LIN7A: variants seen among roughly 807,000 people sequenced by gnomAD.
LIN7A encodes the protein lin-7 cell polarity scaffold A.
Under a neutral mutation model 29.8 loss-of-function variants are expected in LIN7A, and 25 were observed. That is an observed-to-expected ratio of 0.84 (90% CI 0.61 to 1.17). LIN7A has a LOEUF of 1.17. LIN7A is among the 50% of genes most tolerant of loss of function. The pLI is 0.00. For synonymous variants in LIN7A, 118 were observed against 107.5 expected, an observed-to-expected ratio of 1.10 and a Z score of -0.60; for missense variants, 239 against 287.0, an observed-to-expected ratio of 0.83 and a Z score of 1.21.
intron 2 of LIN7A, among the ~76,000 whole-genome samples, chr12:80,886,347 C>T (rs1232899034): frequency 3.9e-5 from 6 of 151,952 alleles, no homozygotes; most frequent in African/African-American, 1.4e-4. Flanking sequence ...GTTTCACCTG[C>T]CTGGCAACAT....
chr12:80,911,937 A>G (rs1222784039), intron 1 of LIN7A, among the ~76,000 whole-genome samples: 1 of 152,216 alleles, frequency 6.6e-6, no homozygotes, highest in Non-Finnish European at 1.5e-5. Flanking sequence ...CTTTAATAAT[A>G]CATACGTTGA....
At chr12:80,926,475 G>GTAT (rs1877587404) in intron 1 of LIN7A, among the ~76,000 whole-genome samples, 2 of 152,058 alleles carry the variant, frequency 1.3e-5, no homozygotes, top group African/African-American at 4.8e-5. Flanking sequence ...ATGAAAGGTT[G>GTAT]TATTACCTTA....
chr12:80,877,121 C>CAAAAAAAAAAAAAAAAAAAAAA (rs55779514), intron 2 of LIN7A, among the ~76,000 whole-genome samples: 1 of 106,528 alleles, frequency 9.4e-6, no homozygotes. Flanking sequence ...GACTCTGTCT[C>CAAAAAAAAAAAAAAAAAAAAAA]AAAAAAAAAA....
intron 1 of LIN7A, among the ~76,000 whole-genome samples, chr12:80,897,679 C>T (rs796597512): frequency 4.6e-5 from 7 of 152,064 alleles, no homozygotes; most frequent in African/African-American, 1.7e-4. Context: ...GTGGTGGGCG[C>T]TTGTAATCCC....
intron 2 of LIN7A, among the ~76,000 whole-genome samples, chr12:80,857,897 A>G (rs1023343504): frequency 6.6e-6 from 1 of 152,112 alleles, no homozygotes; most frequent in Admixed American, 6.6e-5. Flanking sequence ...CGTCTCCAGC[A>G]CTCTACCTCT....
intron 1 of LIN7A, among the ~76,000 whole-genome samples, chr12:80,891,520 A>G (rs1875625454): frequency 1.3e-5 from 2 of 152,156 alleles, no homozygotes; most frequent in Non-Finnish European, 1.5e-5. Context: ...CTGAAATGCA[A>G]TTCATTCATT....
At chr12:80,812,306 TAAAAAC>T (rs1303045376) in intron 4 of LIN7A, among the ~76,000 whole-genome samples, 1 of 151,870 alleles carries the variant, frequency 6.6e-6, no homozygotes, top group Non-Finnish European at 1.5e-5. Context: ...AAATGTAACA[TAAAAAC>T]ATAAAGTAAC....
chr12:80,911,842 A>G (rs1592944483), intron 1 of LIN7A, among the ~76,000 whole-genome samples: 1 of 152,200 alleles, frequency 6.6e-6, no homozygotes, highest in South Asian at 2.1e-4. Flanking sequence ...TCATACATAA[A>G]CAAGTTTATT....
chr12:80,884,221 C>T (rs1422357053), intron 2 of LIN7A, among the ~76,000 whole-genome samples: 1 of 152,102 alleles, frequency 6.6e-6, no homozygotes, highest in Non-Finnish European at 1.5e-5. Flanking sequence ...AGTTTTAAAA[C>T]ATTTTGTTTT....
At chr12:80,831,643 T>C (rs578135817) in intron 4 of LIN7A, among the ~76,000 whole-genome samples, 3 of 152,264 alleles carry the variant, frequency 2.0e-5, no homozygotes, top group South Asian at 2.1e-4. Context: ...TTTGAAGCAA[T>C]TACAAATCCT....
At chr12:80,804,754 A>G (rs1870896007) in intron 5 of LIN7A, among the ~76,000 whole-genome samples, 1 of 150,896 alleles carries the variant, frequency 6.6e-6, no homozygotes, top group East Asian at 2.0e-4. Flanking sequence ...GGGTTTTGCC[A>G]TGTTGGCCAG....
At chr12:80,820,960 G>C (rs953434834) in intron 4 of LIN7A, among the ~76,000 whole-genome samples, 1 of 152,188 alleles carries the variant, frequency 6.6e-6, no homozygotes, top group African/African-American at 2.4e-5. Context: ...GTGACCGCCA[G>C]TTCTCATTGT....
chr12:80,859,359 G>A (rs1393989358), intron 2 of LIN7A, among the ~76,000 whole-genome samples: 1 of 152,266 alleles, frequency 6.6e-6, no homozygotes, highest in East Asian at 1.9e-4. Context: ...TTTGATTTCA[G>A]ACAATGTTGT....
intron 4 of LIN7A, among the ~76,000 whole-genome samples, chr12:80,817,240 A>G (rs1007651851): frequency 9.9e-5 from 15 of 152,128 alleles, no homozygotes; most frequent in African/African-American, 3.4e-4. Context: ...GAATTGCACT[A>G]CATACATGAA....
At chr12:80,879,401 A>G (rs565884971) in intron 2 of LIN7A, among the ~76,000 whole-genome samples, 1 of 152,262 alleles carries the variant, frequency 6.6e-6, no homozygotes, top group South Asian at 2.1e-4. Context: ...TTTGTCATTG[A>G]GTTATTTCAC....
chr12:80,884,105 T>A (rs1161583809), intron 2 of LIN7A, among the ~76,000 whole-genome samples: 1 of 152,216 alleles, frequency 6.6e-6, no homozygotes, highest in Admixed American at 6.5e-5. Context: ...GTGACCTAAG[T>A]TTCTCAAAAT....
Position 80,794,799 on chromosome 12 carries a change from T to G in LIN7A, c.*2928A>C, listed in dbSNP as rs2121460176. 6.6e-6 allele frequency: 1 copy of G among 152,294 alleles called. No individual in the cohort carries two copies. Among genetic ancestry groups the G allele is most frequent in the African/African-American group, 2.4e-5 (1 of 41,586 alleles). 9.4% of individuals were successfully genotyped at this position (152,294 alleles called of 1,614,324 possible). ...TATTCTTTCCAAAGTCAATTGTAAC[T>G]TAAGCTCATTATCTCCCTGCAGATG... is the stretch of plus-strand genomic sequence containing the variant. On this transcript the variant is annotated 3_prime_UTR_variant, in exon 6 of 6. Transcript: ENST00000552864.
At chr12:80,928,818 A>G (rs1191364169) in intron 1 of LIN7A, among the ~76,000 whole-genome samples, 1 of 151,984 alleles carries the variant, frequency 6.6e-6, no homozygotes, top group Admixed American at 6.6e-5. Flanking sequence ...AGGGTTTTTT[A>G]TGATTTTAGG....
At position 80,792,881 on chromosome 12, in the gene LIN7A, T is replaced by C. The variant is rs1226541907; in HGVS notation, c.*4846A>G. 2 of 152,214 alleles carry C rather than the reference T, an allele frequency of 1.3e-5. No individual in the cohort carries two copies. Among genetic ancestry groups the C allele is most frequent in the African/African-American group, 4.8e-5 (2 of 41,458 alleles). The allele number at this position is 152,214 out of a possible 1,614,324, so 9.4% of individuals were successfully genotyped here. A position where few individuals can be genotyped will look rare whatever the true frequency, so the allele number is the denominator to read the frequency against. On this transcript the variant is annotated 3_prime_UTR_variant, in exon 6 of 6. Coordinates refer to ENST00000552864, the MANE Select transcript of LIN7A (RefSeq NM_004664.4). ...TGTACCTTTAACCATGTTCCTGGCT[T>C]CACATATTCTTCTTAAGAGTAAGCT... is the stretch of plus-strand genomic sequence containing the variant.
Sources: allele counts gnomAD v4.1 joint callset (sites outside exome capture counted in the v4.1 genomes callset), GRCh38; gene constraint gnomAD v4.1.1; transcripts MANE v1.5; gene names NCBI Gene and HGNC (gene_info 2026-07-23, HGNC 2026-07-21).